MX1: variants seen among roughly 807,000 people sequenced by gnomAD.
MX1 encodes interferon-induced GTP-binding protein Mx1.
In MX1, 66 loss-of-function variants were observed where a neutral mutation model predicts 66.4. The ratio of observed to expected loss-of-function variants is 0.99; its 90% CI spans 0.82 to 1.22. The LOEUF (loss-of-function observed/expected upper bound fraction) is 1.22, where lower values mean the gene tolerates loss of function less well. Ranked by LOEUF, MX1 falls within the 50% of genes most tolerant of loss-of-function variation. The probability of loss-of-function intolerance (pLI) is 0.00; values close to 1 mark genes in which losing one functional copy is unlikely to be tolerated. For missense variants in MX1, 787 were observed against 834.3 expected, an observed-to-expected ratio of 0.94 and a Z score of 0.70; for synonymous variants, 311 against 318.1, an observed-to-expected ratio of 0.98 and a Z score of 0.24.
At position 41,440,485 on chromosome 21, in the gene MX1, AAAAAC is replaced by A. The variant is rs537725805; in HGVS notation, c.592-389_592-385del. Among the ~76,000 whole-genome samples the A allele has an allele frequency of 2.5e-4, 38 of 152,254 alleles. 1 individual carries two copies. The highest frequency in any genetic ancestry group is 2.6e-4 in the Admixed American group (4 of 15,290). The stretch of plus-strand genomic sequence containing the variant: ...CAGAGCAAGAATCTGTCTCAAAACA[AAAAAC>A]AAAACAAAACAAGCAAGAAAGAAAT... On this transcript the variant is annotated intron_variant, in intron 8 of 16. Coordinates refer to ENST00000398598, the MANE Select transcript of MX1 (RefSeq NM_002462.5).
intron 13 of MX1, among the ~76,000 whole-genome samples, chr21:41,448,093 C>T (rs1318786006): frequency 1.3e-5 from 2 of 152,288 alleles, no homozygotes; most frequent in East Asian, 3.9e-4. Flanking sequence ...TTAGAAAAAT[C>T]CTTATGGGAA....
chr21:41,444,903 C>T (rs1472986623), intron 11 of MX1, among the ~76,000 whole-genome samples: 1 of 152,154 alleles, frequency 6.6e-6, no homozygotes, highest in Non-Finnish European at 1.5e-5. Flanking sequence ...TGTGAGTCCA[C>T]CGATACATTT....
chr21:41,426,946 G>C (rs2090079142), intron 1 of MX1: 1 of 152,384 alleles, frequency 6.6e-6, no homozygotes, highest in Admixed American at 6.5e-5. Context: ...CGTGGAGTGG[G>C]TGCGGTGGAC....
At chr21:41,435,639 T>G (rs1259438344) in intron 5 of MX1, among the ~76,000 whole-genome samples, 198 bp from the exon 6 acceptor site, 1 of 152,120 alleles carries the variant, frequency 6.6e-6, no homozygotes, top group African/African-American at 2.4e-5. Context: ...TCAGACCTCA[T>G]GAAAACTCAC....
Position 41,432,847 on chromosome 21 carries a change from G to A in MX1, c.105+672G>A, listed in dbSNP as rs780893566. On this transcript the variant is annotated intron_variant, in intron 5 of 16. Transcript: ENST00000398598. ...GTTTCAGGCTGGCTCTGTTTTCCTAGGCAATGTTAAACAATTTTTCAAACA... is the reference window on the plus strand; with the variant it reads ...GTTTCAGGCTGGCTCTGTTTTCCTAAGCAATGTTAAACAATTTTTCAAACA... Among the ~76,000 whole-genome samples, 2 of 152,242 alleles carry A rather than the reference G, an allele frequency of 1.3e-5. 1 individual carries two copies.
intron 8 of MX1, 101 bp downstream of exon 8, chr21:41,439,949 C>A: frequency 7.7e-7 from 1 of 1,298,484 alleles, no homozygotes; most frequent in Non-Finnish European, 1.1e-6. Context: ...AACCGTGAGT[C>A]CAGAGCTGAG....
At position 41,441,587 on chromosome 21, in the gene MX1, C is replaced by T. The variant is rs1601504575; in HGVS notation, c.731-129C>T. ...GGGCTCCACTGCCCCCATGGTTCTG[C>T]AGGGGCTATGGCCTGTCCTCAAGCA... On this transcript the variant is annotated intron_variant, in intron 9 of 16. Transcript: ENST00000398598. This position sits in a 1 kb window ranked among gnomAD's most constrained non-coding sequence, Gnocchi z 4.0. 1 of 927,308 alleles carries T rather than the reference C, an allele frequency of 1.1e-6. No homozygotes were observed. The highest frequency in any genetic ancestry group is 2.4e-5 in the East Asian group (1 of 41,250). 57.4% of individuals were successfully genotyped at this position (927,308 alleles called of 1,614,324 possible).
chr21:41,446,414 C>T (rs2090666551), intron 13 of MX1, among the ~76,000 whole-genome samples: 1 of 152,132 alleles, frequency 6.6e-6, no homozygotes, highest in East Asian at 1.9e-4. Flanking sequence ...ATTGTGGGTT[C>T]AGTTCCAGAC....
At chr21:41,447,787 G>T (rs991499992) in intron 13 of MX1, among the ~76,000 whole-genome samples, 7 of 152,016 alleles carry the variant, frequency 4.6e-5, no homozygotes, top group Non-Finnish European at 8.8e-5. Context: ...CCAGGCTGGG[G>T]TGCAGTGGCT....
At chr21:41,458,151 C>G (rs2091000414) in intron 16 of MX1, among the ~76,000 whole-genome samples, 1 of 152,194 alleles carries the variant, frequency 6.6e-6, no homozygotes, top group Non-Finnish European at 1.5e-5. Context: ...CCACACCTGG[C>G]TATTTTTTGT....
rs1189837889 is a variant in MX1, at chr21:41,446,830, A to G, written c.1273+689A>G. Among the ~76,000 whole-genome samples the G allele has an allele frequency of 3.3e-5, 5 of 152,220 alleles. No homozygotes were observed. The East Asian group carries it at 7.7e-4, about 23-fold the overall frequency. ...TTCAACATAGGAATTTTTAGGGGAC[A>G]CCAACATGTAGACCATAGCAATGAG... is the stretch of plus-strand genomic sequence containing the variant. On this transcript the variant is annotated intron_variant, in intron 13 of 16. Transcript: ENST00000398598.
intron 6 of MX1, 91 bp from the exon 7 acceptor site, chr21:41,436,924 A>G: frequency 1.4e-6 from 2 of 1,479,800 alleles, no homozygotes; most frequent in African/African-American, 1.4e-5. Flanking sequence ...TCCCCATATG[A>G]TTGTATAAAA....
At chr21:41,453,339 G>T (rs2090882279) in intron 16 of MX1, among the ~76,000 whole-genome samples, 1 of 152,210 alleles carries the variant, frequency 6.6e-6, no homozygotes. Context: ...GATGAGATTT[G>T]GGTGGGGACA....
chr21:41,424,732 A>G (rs2090029927), upstream of MX1, among the ~76,000 whole-genome samples: 1 of 152,202 alleles, frequency 6.6e-6, no homozygotes, highest in Admixed American at 6.5e-5. Context: ...TCACCTTTGC[A>G]GTAAAACTCT....
At chr21:41,439,547 T>C (rs951176733) in intron 7 of MX1, 147 bp from the exon 8 acceptor site, 1 of 793,394 alleles carries the variant, frequency 1.3e-6, no homozygotes, top group South Asian at 1.6e-5. Flanking sequence ...ATCTCTTTTA[T>C]CCCAATCACA....
At chr21:41,436,152 G>T in intron 6 of MX1, 123 bp downstream of exon 6, 1 of 1,174,510 alleles carries the variant, frequency 8.5e-7, no homozygotes. Flanking sequence ...CCAAAATCAG[G>T]GTTTAGCTTC....
Position 41,437,015 on chromosome 21 carries a change from GGATCGTGACCA to G in MX1, c.303_313del (p.Ile101MetfsTer15). The G allele has an allele frequency of 1.9e-6, 3 of 1,613,840 alleles. No homozygotes were observed. The highest frequency in any genetic ancestry group is 2.5e-6 in the Non-Finnish European group (3 of 1,179,836). Reference sequence around the variant, plus strand: ...CACTGATGTGGGCGTGGCCTCCTAGGGATCGTGACCAGATGCCCGCTGGTGCTGAAACTGAA... The same window carrying G: ...CACTGATGTGGGCGTGGCCTCCTAGGGATGCCCGCTGGTGCTGAAACTGAA... On this transcript the variant is annotated frameshift_variant and splice_region_variant, in exon 7 of 17. Coordinates refer to ENST00000398598, the MANE Select transcript of MX1 (RefSeq NM_002462.5). LOFTEE classifies it high-confidence loss of function.
In MX1 at chr21:41,432,194, G is replaced by A. The variant is rs1387550393; in HGVS notation, c.105+19G>A. 1 of 1,611,318 alleles carries A rather than the reference G, an allele frequency of 6.2e-7. No individual in the cohort carries two copies. Among genetic ancestry groups the A allele is most frequent in the East Asian group, 2.2e-5 (1 of 44,872 alleles). On this transcript the variant is annotated intron_variant, in intron 5 of 16. Coordinates refer to ENST00000398598, the MANE Select transcript of MX1 (RefSeq NM_002462.5). The stretch of plus-strand genomic sequence containing the variant: ...AGGCTCGGTAAGTTGCTCTCTGAAA[G>A]TCGCTATCCATGTGACATGAGCCAT...
Position 41,458,832 on chromosome 21 carries a change from G to T in MX1, c.*74G>T, listed in dbSNP as rs1000629909. 3 of 1,538,906 alleles carry T rather than the reference G, an allele frequency of 1.9e-6. No homozygotes were observed. Among genetic ancestry groups the T allele is most frequent in the African/African-American group, 1.4e-5 (1 of 73,752 alleles). ...GTTCCCGGGTAGCCACTGGACTGAC[G>T]ACTTGAGTGCTCAGTAGTCAGACTG... On this transcript the variant is annotated 3_prime_UTR_variant, in exon 17 of 17. Coordinates refer to ENST00000398598, the MANE Select transcript of MX1 (RefSeq NM_002462.5).
Sources: allele counts gnomAD v4.1 joint callset (sites outside exome capture counted in the v4.1 genomes callset), GRCh38; gene constraint gnomAD v4.1.1; non-coding constraint Gnocchi (gnomAD v3.1); transcripts MANE v1.5; gene names NCBI Gene and HGNC (gene_info 2026-07-23, HGNC 2026-07-21).